UNC5D: variants seen among roughly 807,000 people sequenced by gnomAD.
UNC5D encodes netrin receptor UNC5D.
Under a neutral mutation model 105.4 loss-of-function variants are expected in UNC5D, and 39 were observed. The ratio of observed to expected loss-of-function variants is 0.37; its 90% CI spans 0.29 to 0.48. The LOEUF (loss-of-function observed/expected upper bound fraction) is 0.48. Among genes scored for constraint, UNC5D ranks in the 20% least tolerant of loss-of-function variants. The pLI, the probability that UNC5D is intolerant of heterozygous loss-of-function variation, is 0.98. For synonymous variants in UNC5D, 452 were observed against 450.4 expected (o/e 1.00, Z -0.04); for missense variants, 991 against 1,202.4 (o/e 0.82, Z 2.60).
intron 8 of UNC5D, among the ~76,000 whole-genome samples, chr8:35,720,484 G>T (rs1051801147): frequency 1.3e-5 from 2 of 152,200 alleles, no homozygotes; most frequent in African/African-American, 4.8e-5. Context: ...TTCCCTCACT[G>T]CTTCCCATAC....
At chr8:35,764,047 C>T (rs1411442657) in intron 14 of UNC5D, among the ~76,000 whole-genome samples, 2 of 152,134 alleles carry the variant, frequency 1.3e-5, no homozygotes, top group African/African-American at 2.4e-5. Flanking sequence ...AGCTATTTGC[C>T]TCTCCCATTA....
intron 1 of UNC5D, among the ~76,000 whole-genome samples, chr8:35,319,751 GTTC>G (rs1453949892): frequency 1.3e-5 from 2 of 151,810 alleles, no homozygotes; most frequent in Non-Finnish European, 2.9e-5. Flanking sequence ...GAGTTGTCAT[GTTC>G]TTTTGGGAAC....
intron 4 of UNC5D, among the ~76,000 whole-genome samples, chr8:35,615,049 C>A (rs1374025588): frequency 8.6e-6 from 1 of 116,486 alleles, no homozygotes; most frequent in Non-Finnish European, 1.8e-5. Flanking sequence ...CCCCCCCCCC[C>A]GTCCCCCACC....
Position 35,439,779 on chromosome 8 carries a change from G to A in UNC5D, c.104-109513G>A, listed in dbSNP as rs535208228. Among the ~76,000 whole-genome samples the A allele has an allele frequency of 1.3e-3, 192 of 151,938 alleles. 2 individuals carry two copies. The highest frequency in any genetic ancestry group is 4.5e-3 in the African/African-American group (186 of 41,440). On this transcript the variant is annotated intron_variant, in intron 1 of 16. Transcript: ENST00000404895. ...ATGGAAAGTCGTTTTCCTAAATATG[G>A]AAAGTCATCTTCTAAATATGGAAAG...
At chr8:35,359,011 C>G (rs917772924) in intron 1 of UNC5D, among the ~76,000 whole-genome samples, 3 of 152,004 alleles carry the variant, frequency 2.0e-5, no homozygotes, top group Non-Finnish European at 4.4e-5. Context: ...TTGGGCCAGG[C>G]CTGGTGGCTC....
chr8:35,632,193 C>A (rs1822084143), intron 4 of UNC5D, among the ~76,000 whole-genome samples: 1 of 152,188 alleles, frequency 6.6e-6, no homozygotes, highest in South Asian at 2.1e-4. Flanking sequence ...TCATTTGGGG[C>A]AGAAAAGTTT....
At chr8:35,442,926 A>G (rs968717036) in intron 1 of UNC5D, among the ~76,000 whole-genome samples, 7 of 150,968 alleles carry the variant, frequency 4.6e-5, no homozygotes, top group Admixed American at 2.0e-4. Context: ...ACACACACAC[A>G]CACACACACA....
rs190329660 is a variant in UNC5D at position 35,545,712 on chromosome 8, G to A, written c.104-3580G>A. Among the ~76,000 whole-genome samples the A allele has an allele frequency of 3.3e-5, 5 of 151,918 alleles. No homozygotes were observed. The East Asian group carries it at 9.7e-4, about 29-fold the overall frequency. ...TTTTTTAGACGGATGCAAATAAACAGTGATATGTATACAAATATATACCTA... is the reference window on the plus strand; with the variant it reads ...TTTTTTAGACGGATGCAAATAAACAATGATATGTATACAAATATATACCTA... On this transcript the variant is annotated intron_variant, in intron 1 of 16. Coordinates refer to ENST00000404895, the MANE Select transcript of UNC5D (RefSeq NM_080872.4).
At chr8:35,329,172 G>C (rs560339225) in intron 1 of UNC5D, among the ~76,000 whole-genome samples, 1 of 152,140 alleles carries the variant, frequency 6.6e-6, no homozygotes, top group African/African-American at 2.4e-5. Flanking sequence ...ACAGGAAATT[G>C]TGCTCAGAGA....
chr8:35,338,313 A>G lies in UNC5D; in HGVS notation c.103+102426A>G, dbSNP rs140579042. 1.8e-4 allele frequency among the ~76,000 whole-genome samples: 27 copies of G among 152,254 alleles called. No individual in the cohort carries two copies. In the East Asian group the frequency reaches 5.2e-3, roughly 30 times the overall value. On this transcript the variant is annotated intron_variant, in intron 1 of 16. Coordinates refer to ENST00000404895, the MANE Select transcript of UNC5D (RefSeq NM_080872.4). ...GGTTTTTTTTCTTTTATGTTGAACA[A>G]CTAATAACAATCGAGAAATGTGACT...
chr8:35,655,045 T>C (rs564485813), intron 4 of UNC5D, among the ~76,000 whole-genome samples: 52 of 152,324 alleles, frequency 3.4e-4, no homozygotes, highest in Non-Finnish European at 6.6e-4. Flanking sequence ...GACAATACAC[T>C]TGCTTGTGAA....
chr8:35,305,526 C>A (rs188844932), intron 1 of UNC5D, among the ~76,000 whole-genome samples: 1 of 150,524 alleles, frequency 6.6e-6, no homozygotes, highest in South Asian at 2.1e-4. Flanking sequence ...GACTTTTGGG[C>A]GAAATTCCTT....
At chr8:35,756,554 AAAAAAAAAAAAAAG>A (rs941683057) in intron 13 of UNC5D, among the ~76,000 whole-genome samples, 8 of 149,762 alleles carry the variant, frequency 5.3e-5, no homozygotes, top group African/African-American at 2.0e-4. Context: ...GAGTCTTTAA[AAAAAAAAAAAAAAG>A]AAAAAAAGAA....
chr8:35,362,139 A>G (rs1265644184), intron 1 of UNC5D, among the ~76,000 whole-genome samples: 1 of 152,170 alleles, frequency 6.6e-6, no homozygotes, highest in Admixed American at 6.6e-5. Flanking sequence ...CTCCATTAAT[A>G]TGGTTGGGAT....
intron 3 of UNC5D, among the ~76,000 whole-genome samples, chr8:35,576,587 T>A (rs1468071275): frequency 6.6e-6 from 1 of 152,100 alleles, no homozygotes; most frequent in Admixed American, 6.6e-5. Flanking sequence ...AGGTGAGATA[T>A]GGACTAACAG....
intron 1 of UNC5D, among the ~76,000 whole-genome samples, chr8:35,285,165 A>G (rs946537730): frequency 1.3e-5 from 2 of 152,212 alleles, no homozygotes; most frequent in African/African-American, 4.8e-5. Flanking sequence ...TATCAACTCC[A>G]AATTGCAGCT....
At chr8:35,377,436 C>T (rs1032982924) in intron 1 of UNC5D, among the ~76,000 whole-genome samples, 2 of 152,108 alleles carry the variant, frequency 1.3e-5, no homozygotes, top group African/African-American at 2.4e-5. Flanking sequence ...TTGAGTGCTC[C>T]GTGTGTCTCT....
chr8:35,641,470 T>G (rs969052466), intron 4 of UNC5D, among the ~76,000 whole-genome samples: 6 of 151,820 alleles, frequency 4.0e-5, no homozygotes, highest in Non-Finnish European at 8.8e-5. Flanking sequence ...GCCAACTGTT[T>G]AAGTGGATGG....
intron 1 of UNC5D, among the ~76,000 whole-genome samples, chr8:35,400,334 TTG>T (rs1404476588): frequency 2.0e-5 from 3 of 152,090 alleles, no homozygotes; most frequent in African/African-American, 7.2e-5. Flanking sequence ...GAGTGTGTAG[TTG>T]TGTGCATATT....
Sources: allele counts gnomAD v4.1 joint callset (sites outside exome capture counted in the v4.1 genomes callset), GRCh38; gene constraint gnomAD v4.1.1; transcripts MANE v1.5; gene names NCBI Gene and HGNC (gene_info 2026-07-23, HGNC 2026-07-21).